Variants in FNDC3A observed in about 807,000 individuals in gnomAD.
The protein encoded by FNDC3A is fibronectin type-III domain-containing protein 3A.
In FNDC3A, 32 loss-of-function variants were observed where a neutral mutation model predicts 148.9. That is an observed-to-expected ratio of 0.21 (90% CI 0.16 to 0.29). The LOEUF (loss-of-function observed/expected upper bound fraction) is 0.29, where lower values mean the gene tolerates loss of function less well. FNDC3A is among the 10% of genes least tolerant of loss of function. The pLI is 1.00. For missense variants in FNDC3A, 1,191 were observed against 1,452.8 expected (o/e 0.82, Z 2.93); for synonymous variants, 472 against 473.6 (o/e 1.00, Z 0.04).
At chr13:49,125,041 C>T (rs1370541105) in intron 4 of FNDC3A, among the ~76,000 whole-genome samples, 1 of 151,982 alleles carries the variant, frequency 6.6e-6, no homozygotes, top group Non-Finnish European at 1.5e-5. Context: ...TGAGAGGGTG[C>T]CTAACAAGGA....
At chr13:49,152,816 A>G (rs920269540) in intron 8 of FNDC3A, among the ~76,000 whole-genome samples, 15 of 151,138 alleles carry the variant, frequency 9.9e-5, no homozygotes, top group East Asian at 1.9e-4. Context: ...ATGATTTCCA[A>G]TTTCATCCAT....
chr13:49,167,337 A>C, intron 9 of FNDC3A, 34 bp downstream of exon 9: 1 of 1,273,712 alleles, frequency 7.9e-7, no homozygotes, highest in East Asian at 2.4e-5. Flanking sequence ...TTTATAAGAT[A>C]CAGCATAAGG....
chr13:49,028,377 A>G (rs528504064), intron 2 of FNDC3A, among the ~76,000 whole-genome samples: 1 of 151,762 alleles, frequency 6.6e-6, no homozygotes, highest in Admixed American at 6.6e-5. Flanking sequence ...AGTAGCTGGG[A>G]CTCCAGGTGC....
At position 49,168,655 on chromosome 13, in the gene FNDC3A, G is replaced by A. The variant is rs764588780; in HGVS notation, c.1080G>A (p.Glu360=). Residue 360 remains glutamate (E), a synonymous_variant, in exon 10 of 26, where the codon GAG becomes GAA. Transcript: ENST00000492622. ...ATTCTATAAAGGGAACTCCTTCAGA[G>A]GCTGAAATCTTTACCACCTTGAGCT... ...EYNSIKGTPS[E]AEIFTTLSCE... The A allele has an allele frequency of 1.9e-6, 3 of 1,612,050 alleles. No homozygotes were observed. The highest frequency in any genetic ancestry group is 2.5e-6 in the Non-Finnish European group (3 of 1,178,344).
chr13:49,056,128 G>A (rs1423409372), intron 2 of FNDC3A, among the ~76,000 whole-genome samples: 2 of 151,882 alleles, frequency 1.3e-5, no homozygotes, highest in African/African-American at 4.8e-5. Flanking sequence ...TTGAGGATGA[G>A]GTGAGCCAAG....
rs1168374939 is a variant in FNDC3A, at chr13:49,208,038, C to G, written c.*643C>G. ...CACAGATAAGTACTTAAAGAACAGA[C>G]AGTTTACTTGGCCTAAAAATATTTT... On this transcript the variant is annotated 3_prime_UTR_variant, in exon 26 of 26. Transcript: ENST00000492622. 6.6e-6 allele frequency: 1 copy of G among 152,454 alleles called. No individual in the cohort carries two copies. Among genetic ancestry groups the G allele is most frequent in the Non-Finnish European group, 1.5e-5 (1 of 68,010 alleles). 9.4% of individuals were successfully genotyped at this position (152,454 alleles called of 1,614,324 possible).
At chr13:49,039,414 A>G (rs569403922) in intron 2 of FNDC3A, among the ~76,000 whole-genome samples, 16 of 152,226 alleles carry the variant, frequency 1.1e-4, no homozygotes, top group Non-Finnish European at 1.5e-4. Context: ...TCTGGTATCA[A>G]TGCTCCTTTG....
chr13:49,200,935 T>A (rs975641367), intron 23 of FNDC3A, among the ~76,000 whole-genome samples: 2 of 151,838 alleles, frequency 1.3e-5, no homozygotes, highest in Non-Finnish European at 2.9e-5. Context: ...AACAGTGGTA[T>A]TACCACTATT....
chr13:49,185,812 A>G (rs2138090181), intron 14 of FNDC3A, 152 bp from the exon 15 acceptor site: 1 of 607,222 alleles, frequency 1.6e-6, no homozygotes, highest in East Asian at 2.8e-5. Flanking sequence ...TCTATTGGAG[A>G]CAAGCAATTC....
intron 2 of FNDC3A, among the ~76,000 whole-genome samples, chr13:49,041,340 C>T (rs1196753717): frequency 1.3e-5 from 2 of 152,148 alleles, no homozygotes; most frequent in Non-Finnish European, 2.9e-5. Flanking sequence ...TCTTTCTCTG[C>T]CATACCATGA....
intron 3 of FNDC3A, among the ~76,000 whole-genome samples, chr13:49,087,154 C>T (rs1566241086): frequency 6.6e-6 from 1 of 152,002 alleles, no homozygotes; most frequent in African/African-American, 2.4e-5. Context: ...TAGTTAGTCT[C>T]TTGGAAGTAT....
At chr13:49,102,164 C>T (rs950467563) in intron 3 of FNDC3A, among the ~76,000 whole-genome samples, 49 of 151,624 alleles carry the variant, frequency 3.2e-4, no homozygotes, top group African/African-American at 1.1e-3. Context: ...TAAGCTTACT[C>T]TTTATTCTTA....
intron 4 of FNDC3A, among the ~76,000 whole-genome samples, chr13:49,118,916 G>A (rs115737666): frequency 0.019 from 2,844 of 152,326 alleles, 91 homozygotes; most frequent in African/African-American, 0.063. Context: ...GAAGGGGCAA[G>A]TGTGGGCACA....
intron 3 of FNDC3A, among the ~76,000 whole-genome samples, chr13:49,101,939 G>T (rs190557427): frequency 6.6e-6 from 1 of 151,818 alleles, no homozygotes; most frequent in East Asian, 1.9e-4. Context: ...TCATGTTTCA[G>T]CTTACACAAA....
chr13:49,075,802 C>CCCT (rs1555287825), intron 3 of FNDC3A, among the ~76,000 whole-genome samples: 1 of 135,314 alleles, frequency 7.4e-6, no homozygotes, highest in African/African-American at 2.8e-5. Context: ...TCACCACTGC[C>CCCT]CCCCCCACCC....
intron 8 of FNDC3A, among the ~76,000 whole-genome samples, chr13:49,158,291 C>G (rs1051514241): frequency 2.6e-5 from 4 of 152,146 alleles, no homozygotes; most frequent in Admixed American, 2.6e-4. Flanking sequence ...TTTCCAGGTG[C>G]GTCTGTCACC....
At chr13:48,989,773 GA>G (rs1951876188) in intron 1 of FNDC3A, among the ~76,000 whole-genome samples, 1 of 144,510 alleles carries the variant, frequency 6.9e-6, no homozygotes, top group South Asian at 2.2e-4. Context: ...TTTTTTTTGA[GA>G]CAAAGTCTCG....
intron 8 of FNDC3A, among the ~76,000 whole-genome samples, chr13:49,155,349 G>A (rs1410767110): frequency 1.3e-5 from 2 of 151,306 alleles, no homozygotes; most frequent in African/African-American, 4.9e-5. Flanking sequence ...GTATTTCTGT[G>A]GGATCAGTGG....
chr13:48,990,085 A>G (rs1222111559), intron 1 of FNDC3A, among the ~76,000 whole-genome samples: 1 of 152,148 alleles, frequency 6.6e-6, no homozygotes, highest in Non-Finnish European at 1.5e-5. Context: ...AAAGAAAAAC[A>G]GAACAAAGAT....
Sources: allele counts gnomAD v4.1 joint callset (sites outside exome capture counted in the v4.1 genomes callset), GRCh38; gene constraint gnomAD v4.1.1; transcripts MANE v1.5; gene names NCBI Gene and HGNC (gene_info 2026-07-23, HGNC 2026-07-21).